The following OPCML variants were observed in gnomAD, a reference collection of about 807,000 sequenced individuals.
OPCML encodes the protein opioid-binding protein/cell adhesion molecule.
Under a neutral mutation model 37.8 loss-of-function variants are expected in OPCML, and 13 were observed. The ratio of observed to expected loss-of-function variants is 0.34; its 90% CI spans 0.22 to 0.55. OPCML has a LOEUF of 0.55. OPCML is among the 20% of genes least tolerant of loss of function. The probability of loss-of-function intolerance (pLI) is 0.91; values close to 1 mark genes in which losing one functional copy is unlikely to be tolerated. For missense variants in OPCML, 341 were observed against 435.6 expected (o/e 0.78, Z 1.93); for synonymous variants, 176 against 168.8 (o/e 1.04, Z -0.33).
chr11:133,458,003 G>A (rs1165946751), intron 1 of OPCML, among the ~76,000 whole-genome samples: 1 of 151,852 alleles, frequency 6.6e-6, no homozygotes, highest in Non-Finnish European at 1.5e-5. Flanking sequence ...AAAATTAGCT[G>A]GGCATGGTGA....
At chr11:132,667,051 T>A (rs1942256860) in intron 2 of OPCML, among the ~76,000 whole-genome samples, 1 of 152,152 alleles carries the variant, frequency 6.6e-6, no homozygotes, top group Admixed American at 6.5e-5. Context: ...GAAGGAGTCA[T>A]CAGAGAATCA....
chr11:132,567,994 A>G (rs1268366694), intron 3 of OPCML, among the ~76,000 whole-genome samples: 1 of 152,120 alleles, frequency 6.6e-6, no homozygotes, highest in African/African-American at 2.4e-5. Flanking sequence ...TAATGTTGAA[A>G]ATAGAAAGGG....
At chr11:133,214,661 G>T (rs2136348322) in intron 1 of OPCML, among the ~76,000 whole-genome samples, 1 of 152,308 alleles carries the variant, frequency 6.6e-6, no homozygotes, top group Middle Eastern at 3.4e-3. Flanking sequence ...AGCTTTTAAA[G>T]TGAGCTCCTA....
intron 1 of OPCML, among the ~76,000 whole-genome samples, chr11:133,396,795 C>T (rs1771455779): frequency 6.6e-6 from 1 of 152,144 alleles, no homozygotes. Context: ...CCTAGATTGC[C>T]CCTCTGCCCA....
intron 1 of OPCML, among the ~76,000 whole-genome samples, chr11:133,077,353 T>C (rs1045997689): frequency 6.6e-6 from 1 of 152,096 alleles, no homozygotes; most frequent in Non-Finnish European, 1.5e-5. Context: ...CTCGGCGTGA[T>C]ACCTTTCTGA....
At chr11:132,977,705 C>A (rs1450301960) in intron 1 of OPCML, among the ~76,000 whole-genome samples, 1 of 152,260 alleles carries the variant, frequency 6.6e-6, no homozygotes, top group African/African-American at 2.4e-5. Flanking sequence ...TAGGAGTCTT[C>A]GGTGACCCAC....
intron 2 of OPCML, among the ~76,000 whole-genome samples, chr11:132,797,537 C>A (rs1938399226): frequency 6.6e-6 from 1 of 152,178 alleles, no homozygotes; most frequent in Middle Eastern, 3.2e-3. Flanking sequence ...TAAAGCGAGT[C>A]ATATAAACAT....
At chr11:133,413,783 G>A (rs566730232) in intron 1 of OPCML, among the ~76,000 whole-genome samples, 13 of 152,246 alleles carry the variant, frequency 8.5e-5, no homozygotes, top group East Asian at 3.9e-4. Flanking sequence ...AATTAAAACC[G>A]ACAAGAGTGA....
At chr11:133,379,403 T>G (rs1028081727) in intron 1 of OPCML, among the ~76,000 whole-genome samples, 2 of 152,248 alleles carry the variant, frequency 1.3e-5, no homozygotes, top group Admixed American at 6.5e-5. Context: ...CCACACCCAT[T>G]TCTTCAGCAC....
intron 3 of OPCML, among the ~76,000 whole-genome samples, chr11:132,573,735 T>A (rs1367860099): frequency 6.6e-6 from 1 of 152,060 alleles, no homozygotes; most frequent in Non-Finnish European, 1.5e-5. Context: ...ATCAGGGTAA[T>A]GCTGGCCTCA....
intron 1 of OPCML, among the ~76,000 whole-genome samples, chr11:133,343,471 G>A (rs907830429): frequency 6.6e-6 from 1 of 152,150 alleles, no homozygotes; most frequent in African/African-American, 2.4e-5. Flanking sequence ...GCCTTATATT[G>A]CAATTTCCTT....
chr11:133,499,978 TCTC>T (rs1264174238), intron 1 of OPCML, among the ~76,000 whole-genome samples: 1 of 150,700 alleles, frequency 6.6e-6, no homozygotes, highest in Non-Finnish European at 1.5e-5. Context: ...TTCAAGCAAT[TCTC>T]CTGCCTCAGC....
At chr11:133,415,519 A>G (rs1945741686) in intron 1 of OPCML, among the ~76,000 whole-genome samples, 1 of 152,162 alleles carries the variant, frequency 6.6e-6, no homozygotes, top group East Asian at 1.9e-4. Flanking sequence ...ATAGGCAGTA[A>G]GAGACAGAAT....
At chr11:133,453,508 A>T (rs1946618297) in intron 1 of OPCML, among the ~76,000 whole-genome samples, 1 of 152,228 alleles carries the variant, frequency 6.6e-6, no homozygotes, top group Admixed American at 6.5e-5. Context: ...AAATGCCAAA[A>T]ATGAAGACAA....
At chr11:133,158,568 C>G (rs1057400454) in intron 1 of OPCML, among the ~76,000 whole-genome samples, 1 of 151,656 alleles carries the variant, frequency 6.6e-6, no homozygotes, top group Non-Finnish European at 1.5e-5. Flanking sequence ...GGCATGGTGG[C>G]GGGCGCCTGT....
intron 2 of OPCML, among the ~76,000 whole-genome samples, chr11:132,724,684 C>G (rs2135989644): frequency 6.6e-6 from 1 of 152,310 alleles, no homozygotes; most frequent in South Asian, 2.1e-4. Flanking sequence ...AATGCAAGTT[C>G]CTTCTGCCTA....
Position 132,850,808 on chromosome 11 carries a change from T to TA in OPCML, c.146+92117dup, listed in dbSNP as rs1337699291. On this transcript the variant is annotated intron_variant, in intron 2 of 7. Coordinates refer to ENST00000524381, the MANE Select transcript of OPCML (RefSeq NM_001012393.5). ...ATGCATACAATAATAATAATCCAGATAAAAAAGACCAGACCTGGCTAGTTG... is the reference window on the plus strand; with the variant it reads ...ATGCATACAATAATAATAATCCAGATAAAAAAAGACCAGACCTGGCTAGTTG... Among the ~76,000 whole-genome samples the TA allele has an allele frequency of 5.3e-5, 8 of 152,284 alleles. No homozygotes were observed. The East Asian group carries it at 1.5e-3, about 29-fold the overall frequency.
At chr11:132,987,232 C>T (rs1946696312) in intron 1 of OPCML, among the ~76,000 whole-genome samples, 2 of 151,998 alleles carry the variant, frequency 1.3e-5, no homozygotes, top group South Asian at 4.2e-4. Context: ...TTTGAGCATT[C>T]CTTGACAACA....
chr11:133,352,615 C>A (rs1944167894), intron 1 of OPCML, among the ~76,000 whole-genome samples: 1 of 152,180 alleles, frequency 6.6e-6, no homozygotes, highest in African/African-American at 2.4e-5. Context: ...GGACTTAACT[C>A]TTTTATTGCT....
Sources: allele counts gnomAD v4.1 joint callset (sites outside exome capture counted in the v4.1 genomes callset), GRCh38; gene constraint gnomAD v4.1.1; transcripts MANE v1.5; gene names NCBI Gene and HGNC (gene_info 2026-07-23, HGNC 2026-07-21).